Variants in SRBD1 observed in about 807,000 individuals in gnomAD.
SRBD1 encodes the protein S1 RNA-binding domain-containing protein 1.
A neutral mutation model predicts 115.3 loss-of-function variants in SRBD1; 88 were observed. The ratio of observed to expected loss-of-function variants is 0.76; its 90% CI spans 0.64 to 0.91. The LOEUF (loss-of-function observed/expected upper bound fraction) is 0.91, where lower values mean the gene tolerates loss of function less well. SRBD1 is among the 40% of genes least tolerant of loss of function. The pLI is 0.00. For synonymous variants in SRBD1, 509 were observed against 407.7 expected (o/e 1.25, Z -2.99); for missense variants, 1,385 against 1,177.4 (o/e 1.18, Z -2.58).
rs376675577 is a variant in SRBD1 at position 45,481,135 on chromosome 2, C to A, written c.1967-4060G>T. Among the ~76,000 whole-genome samples the A allele has an allele frequency of 4.6e-5, 7 of 152,226 alleles. No homozygotes were observed. The East Asian group carries it at 9.6e-4, about 21-fold the overall frequency. ...CAATATTTTCTAAGTAAGATGTGTA[C>A]ATATTTTTTGAGATATAATGCCATT... is the stretch of plus-strand genomic sequence containing the variant. On this transcript the variant is annotated intron_variant, in intron 15 of 20. Coordinates refer to ENST00000263736, the MANE Select transcript of SRBD1 (RefSeq NM_018079.5).
At chr2:45,453,580 G>A (rs574754128) in intron 16 of SRBD1, among the ~76,000 whole-genome samples, 1 of 151,904 alleles carries the variant, frequency 6.6e-6, no homozygotes, top group South Asian at 2.1e-4. Context: ...TGTAAAACAT[G>A]TTGAGAGTTC....
At chr2:45,484,926 T>C (rs1157553084) in intron 15 of SRBD1, among the ~76,000 whole-genome samples, 3 of 152,236 alleles carry the variant, frequency 2.0e-5, no homozygotes, top group African/African-American at 7.2e-5. Flanking sequence ...CAGTACTTCA[T>C]TCTTTTTACG....
intron 16 of SRBD1, 144 bp downstream of exon 16, chr2:45,476,849 T>C (rs1202037254): frequency 1.1e-5 from 7 of 638,830 alleles, no homozygotes; most frequent in Non-Finnish European, 1.6e-5. Flanking sequence ...CCTTCCCTGA[T>C]GACTTAAAAC....
intron 14 of SRBD1, among the ~76,000 whole-genome samples, chr2:45,507,431 T>A (rs1260366843): frequency 1.3e-5 from 2 of 152,026 alleles, no homozygotes; most frequent in African/African-American, 4.8e-5. Context: ...AAATAATCCA[T>A]ATTAGGCTGG....
At chr2:45,517,786 G>A (rs1671165445) in intron 14 of SRBD1, among the ~76,000 whole-genome samples, 1 of 152,164 alleles carries the variant, frequency 6.6e-6, no homozygotes, top group Non-Finnish European at 1.5e-5. Context: ...TTTGAGCCCA[G>A]AGGTGTCAGA....
At chr2:45,526,138 C>A (rs1291293211) in intron 14 of SRBD1, among the ~76,000 whole-genome samples, 1 of 151,916 alleles carries the variant, frequency 6.6e-6, no homozygotes, top group African/African-American at 2.4e-5. Flanking sequence ...ATGTCCACAC[C>A]AAAACTTGTA....
intron 14 of SRBD1, among the ~76,000 whole-genome samples, chr2:45,507,981 T>G (rs1022594942): frequency 6.6e-6 from 1 of 152,136 alleles, no homozygotes; most frequent in African/African-American, 2.4e-5. Context: ...TAATCTTACC[T>G]AAAAGGAATG....
At chr2:45,510,049 A>G (rs1476411011) in intron 14 of SRBD1, among the ~76,000 whole-genome samples, 3 of 152,176 alleles carry the variant, frequency 2.0e-5, no homozygotes, top group African/African-American at 4.8e-5. Flanking sequence ...ATTTTTTCAA[A>G]CACCTATTTC....
chr2:45,498,982 C>A (rs1302760351), intron 14 of SRBD1, among the ~76,000 whole-genome samples: 1 of 152,148 alleles, frequency 6.6e-6, no homozygotes, highest in Admixed American at 6.5e-5. Flanking sequence ...CTTCAATATA[C>A]TGAGTTCCTT....
At chr2:45,426,111 C>T (rs926388235) in intron 16 of SRBD1, among the ~76,000 whole-genome samples, 5 of 152,204 alleles carry the variant, frequency 3.3e-5, no homozygotes, top group Non-Finnish European at 7.3e-5. Flanking sequence ...TTGAAATTCT[C>T]ACTGCCAGCA....
chr2:45,434,955 G>T (rs1668446240), intron 16 of SRBD1, among the ~76,000 whole-genome samples: 1 of 149,842 alleles, frequency 6.7e-6, no homozygotes, highest in South Asian at 2.2e-4. Flanking sequence ...GGTGTGTGAT[G>T]TTCCCCGCCC....
At chr2:45,483,139 T>C (rs1446776080) in intron 15 of SRBD1, among the ~76,000 whole-genome samples, 1 of 151,910 alleles carries the variant, frequency 6.6e-6, no homozygotes, top group Non-Finnish European at 1.5e-5. Flanking sequence ...GCCACAGAAA[T>C]TGAGAGAGTT....
chr2:45,440,605 G>T (rs766600728), intron 16 of SRBD1, among the ~76,000 whole-genome samples: 2 of 152,168 alleles, frequency 1.3e-5, no homozygotes, highest in Non-Finnish European at 2.9e-5. Context: ...ATTTTGACCT[G>T]ACATAATACA....
At chr2:45,503,599 G>A (rs2103901404) in intron 14 of SRBD1, among the ~76,000 whole-genome samples, 1 of 152,216 alleles carries the variant, frequency 6.6e-6, no homozygotes. Context: ...CCCTTTCTTA[G>A]TTGAAAATCT....
chr2:45,565,154 T>G (rs929223155), intron 9 of SRBD1, among the ~76,000 whole-genome samples: 1 of 152,102 alleles, frequency 6.6e-6, no homozygotes, highest in African/African-American at 2.4e-5. Context: ...CATATAGTAA[T>G]TCAAAGGACT....
At position 45,507,186 on chromosome 2, in the gene SRBD1, T is replaced by G. The variant is rs558343160; in HGVS notation, c.1875-18855A>C. Among the ~76,000 whole-genome samples the G allele has an allele frequency of 2.6e-5, 4 of 152,276 alleles. No individual in the cohort carries two copies. The East Asian group carries it at 7.7e-4, about 29-fold the overall frequency. On this transcript the variant is annotated intron_variant, in intron 14 of 20. Transcript: ENST00000263736. ...AAGCTCTGCATTATCAGACTTGGTA[T>G]GTATCTCAACTGAAATACAAGCAGG...
At chr2:45,580,991 T>C (rs983856130) in intron 6 of SRBD1, among the ~76,000 whole-genome samples, 4 of 152,180 alleles carry the variant, frequency 2.6e-5, no homozygotes, top group Middle Eastern at 3.4e-3. Context: ...CCAATTCTTC[T>C]ACTTCTTAAT....
chr2:45,573,129 T>C, intron 9 of SRBD1, 78 bp downstream of exon 9: 2 of 1,403,386 alleles, frequency 1.4e-6, no homozygotes, highest in East Asian at 5.0e-5. Flanking sequence ...TTATTTAAAT[T>C]CTTAGTAAAG....
chr2:45,555,330 A>C (rs1215276364), intron 10 of SRBD1, among the ~76,000 whole-genome samples: 1 of 152,208 alleles, frequency 6.6e-6, no homozygotes, highest in African/African-American at 2.4e-5. Context: ...AGCTGTAGTA[A>C]GCCATGATGC....
Sources: gnomAD v4.1 joint callset for allele counts (sites outside exome capture counted in the v4.1 genomes callset) on GRCh38, gnomAD v4.1.1 for gene constraint, MANE v1.5 for transcripts, NCBI Gene and HGNC (gene_info 2026-07-23, HGNC 2026-07-21) for gene names.